PRDM16: variants seen among roughly 807,000 people sequenced by gnomAD.
PRDM16 encodes histone-lysine N-methyltransferase PRDM16.
PRDM16 carries 23 observed loss-of-function variants against 110.6 expected under a neutral mutation model. The ratio of observed to expected loss-of-function variants is 0.21; its 90% CI spans 0.15 to 0.29. The LOEUF (loss-of-function observed/expected upper bound fraction) is 0.29, where lower values mean the gene tolerates loss of function less well. Among genes scored for constraint, PRDM16 ranks in the 10% least tolerant of loss-of-function variants. PRDM16 has a pLI of 1.00. For synonymous variants in PRDM16, 799 were observed against 781.8 expected (o/e 1.02, Z -0.37); for missense variants, 1,615 against 1,794.3 (o/e 0.90, Z 1.81).
intron 3 of PRDM16, among the ~76,000 whole-genome samples, chr1:3,284,096 G>A (rs892831560): frequency 1.3e-5 from 2 of 151,750 alleles, no homozygotes; most frequent in Non-Finnish European, 2.9e-5. Context: ...CCTGGGGCAG[G>A]GGCTGCTGCC....
chr1:3,077,114 A>T (rs1045979772), intron 1 of PRDM16, among the ~76,000 whole-genome samples: 1 of 152,236 alleles, frequency 6.6e-6, no homozygotes, highest in African/African-American at 2.4e-5. Context: ...TTGGGAAATC[A>T]GTAGCTTTGT....
intron 4 of PRDM16, among the ~76,000 whole-genome samples, chr1:3,393,239 T>C (rs1643325689): frequency 6.6e-6 from 1 of 152,216 alleles, no homozygotes; most frequent in South Asian, 2.1e-4. Flanking sequence ...CGAGTGTTTA[T>C]AAAAAGGCAT....
intron 3 of PRDM16, among the ~76,000 whole-genome samples, chr1:3,369,255 G>T (rs1352002127): frequency 3.9e-5 from 6 of 152,214 alleles, no homozygotes; most frequent in Non-Finnish European, 8.8e-5. Context: ...CTCTGTCTGT[G>T]AATCACTTCC....
Position 3,080,278 on chromosome 1 carries a change from G to A in PRDM16, c.37+10982G>A, listed in dbSNP as rs1354402299. On this transcript the variant is annotated intron_variant, in intron 1 of 16. Coordinates refer to ENST00000270722, the MANE Select transcript of PRDM16 (RefSeq NM_022114.4). This position sits in a 1 kb window ranked among gnomAD's most constrained non-coding sequence, Gnocchi z 5.2. ...AATTGCAATAACACGCCGTGCGAGTGCCTCTCTGAATGGGGTATTCAGTTC... is the reference window on the plus strand; with the variant it reads ...AATTGCAATAACACGCCGTGCGAGTACCTCTCTGAATGGGGTATTCAGTTC... Among the ~76,000 whole-genome samples the A allele has an allele frequency of 6.6e-6, 1 of 152,190 alleles. No individual in the cohort carries two copies. Among genetic ancestry groups the A allele is most frequent in the African/African-American group, 2.4e-5 (1 of 41,444 alleles).
chr1:3,192,493 T>A (rs932302986), intron 2 of PRDM16, among the ~76,000 whole-genome samples: 2 of 152,136 alleles, frequency 1.3e-5, no homozygotes, highest in African/African-American at 4.8e-5. Context: ...TCATGAGGGA[T>A]GTGGGTTCAG....
intron 3 of PRDM16, among the ~76,000 whole-genome samples, chr1:3,341,422 C>G (rs1442804101): frequency 1.3e-5 from 2 of 152,176 alleles, no homozygotes; most frequent in African/African-American, 2.4e-5. Context: ...CGACTTTGCC[C>G]CATGCTTCCT....
At chr1:3,372,923 A>G (rs1267292246) in intron 3 of PRDM16, among the ~76,000 whole-genome samples, 2 of 152,202 alleles carry the variant, frequency 1.3e-5, no homozygotes, top group African/African-American at 2.4e-5. Flanking sequence ...GGCCTGATGC[A>G]GAGCCTGCGG....
intron 3 of PRDM16, among the ~76,000 whole-genome samples, chr1:3,336,025 G>A (rs1322874112): frequency 2.0e-5 from 3 of 152,192 alleles, no homozygotes; most frequent in Non-Finnish European, 4.4e-5. Context: ...GTGACGTCTC[G>A]ACAGCCTGCC....
chr1:3,329,411 A>G (rs1385099969), intron 3 of PRDM16, among the ~76,000 whole-genome samples: 2 of 152,130 alleles, frequency 1.3e-5, no homozygotes, highest in African/African-American at 4.8e-5. Flanking sequence ...TTTTGCAGGA[A>G]TGGAATTAAT....
intron 3 of PRDM16, among the ~76,000 whole-genome samples, chr1:3,270,405 G>A (rs797003507): frequency 9.9e-5 from 14 of 142,046 alleles, no homozygotes; most frequent in African/African-American, 4.3e-4. Context: ...CAGTCAGGAG[G>A]AGGACAGTCC....
intron 1 of PRDM16, among the ~76,000 whole-genome samples, chr1:3,100,550 G>A (rs1465206855): frequency 2.0e-5 from 3 of 152,134 alleles, no homozygotes; most frequent in African/African-American, 7.2e-5. Context: ...GCCTCCTGAG[G>A]CATCCCACAG....
At chr1:3,176,634 T>C (rs535033090) in intron 1 of PRDM16, among the ~76,000 whole-genome samples, 1 of 148,294 alleles carries the variant, frequency 6.7e-6, no homozygotes, top group African/African-American at 2.5e-5. Context: ...TCCATCCATG[T>C]ACCCATCTAT....
At chr1:3,320,510 A>T (rs1440826558) in intron 3 of PRDM16, among the ~76,000 whole-genome samples, 1 of 152,158 alleles carries the variant, frequency 6.6e-6, no homozygotes, top group East Asian at 1.9e-4. Context: ...TGGAGAACAG[A>T]TCATTTCCCA....
intron 1 of PRDM16, among the ~76,000 whole-genome samples, chr1:3,132,282 C>T (rs1294605485): frequency 6.6e-6 from 1 of 152,180 alleles, no homozygotes; most frequent in Non-Finnish European, 1.5e-5. Context: ...GTGTCAGGAC[C>T]TGGATGTGGT....
At chr1:3,238,985 G>A (rs548433818) in intron 2 of PRDM16, among the ~76,000 whole-genome samples, 8 of 152,344 alleles carry the variant, frequency 5.3e-5, no homozygotes, top group East Asian at 1.9e-4. Context: ...GGAGGTCCGC[G>A]TCTGCGGTGC....
chr1:3,164,584 C>T (rs367920337), intron 1 of PRDM16, among the ~76,000 whole-genome samples: 44 of 152,284 alleles, frequency 2.9e-4, no homozygotes, highest in African/African-American at 9.4e-4. Context: ...AAAACTTTCC[C>T]GGTGTGTAGC....
intron 3 of PRDM16, among the ~76,000 whole-genome samples, chr1:3,273,047 C>T (rs11802755): frequency 0.025 from 3,766 of 152,242 alleles, 158 homozygotes; most frequent in African/African-American, 0.085. Flanking sequence ...CCGGAGTCTG[C>T]GTGGGAGAGG....
chr1:3,191,290 A>G (rs921968775), intron 2 of PRDM16, among the ~76,000 whole-genome samples: 3 of 152,156 alleles, frequency 2.0e-5, no homozygotes, highest in Non-Finnish European at 2.9e-5. Context: ...CATTTGTTCA[A>G]TCAACAAATG....
At chr1:3,110,331 GC>G (rs1297784913) in intron 1 of PRDM16, among the ~76,000 whole-genome samples, 9 of 144,814 alleles carry the variant, frequency 6.2e-5, no homozygotes, top group African/African-American at 2.1e-4. Context: ...GGGACACAGT[GC>G]TCGGGGGCTC....
Sources: allele counts gnomAD v4.1 joint callset (sites outside exome capture counted in the v4.1 genomes callset), GRCh38; gene constraint gnomAD v4.1.1; non-coding constraint Gnocchi (gnomAD v3.1); transcripts MANE v1.5; gene names NCBI Gene and HGNC (gene_info 2026-07-23, HGNC 2026-07-21).